APOBEC3C: variants seen among roughly 807,000 people sequenced by gnomAD.
APOBEC3C encodes the protein DNA dC->dU-editing enzyme APOBEC-3C.
APOBEC3C carries 14 observed loss-of-function variants against 20.6 expected under a neutral mutation model. The observed-to-expected ratio is 0.68, with a 90% CI of 0.45 to 1.06. The LOEUF (loss-of-function observed/expected upper bound fraction) is 1.06. APOBEC3C is among the 50% of genes least tolerant of loss of function. The pLI, the probability that APOBEC3C is intolerant of heterozygous loss-of-function variation, is 0.00. For missense variants in APOBEC3C, 244 were observed against 241.9 expected, an observed-to-expected ratio of 1.01 and a Z score of -0.06; for synonymous variants, 98 against 88.8, an observed-to-expected ratio of 1.10 and a Z score of -0.58.
At position 39,015,581 on chromosome 22, in the gene APOBEC3C, T is replaced by TC; in HGVS notation, c.18-13dup. 1 of 1,613,250 alleles carries TC rather than the reference T, an allele frequency of 6.2e-7. No homozygotes were observed. Among genetic ancestry groups the TC allele is most frequent in the Non-Finnish European group, 8.5e-7 (1 of 1,179,422 alleles). Reference sequence around the variant, plus strand: ...GGGGGTCTCTGCATTGGGGTTTCTCTCTTGTGCCTTCAGAAACCCGATGAA... The same window carrying TC: ...GGGGGTCTCTGCATTGGGGTTTCTCTCCTTGTGCCTTCAGAAACCCGATGAA... On this transcript the variant is annotated splice_polypyrimidine_tract_variant and intron_variant, in intron 1 of 3. Transcript: ENST00000361441.
At chr22:39,016,372 TC>T (rs1924784666) in intron 2 of APOBEC3C, among the ~76,000 whole-genome samples, 1 of 100,774 alleles carries the variant, frequency 9.9e-6, no homozygotes, top group African/African-American at 3.9e-5. Context: ...GCTAATTTTT[TC>T]TTTTTTTCTT....
At chr22:39,015,840 G>T in intron 2 of APOBEC3C, 89 bp downstream of exon 2, 5 of 1,391,154 alleles carry the variant, frequency 3.6e-6, no homozygotes, top group Middle Eastern at 2.6e-4. Context: ...GCCCGGCGTG[G>T]GCTCTCCTGT....
At position 39,018,202 on chromosome 22, in the gene APOBEC3C, G is replaced by C. The variant is rs6001383; in HGVS notation, c.455-67G>C. The C allele has an allele frequency of 2.8e-3, 4,482 of 1,577,798 alleles. 106 individuals carry two copies. In the African/African-American group the frequency reaches 0.054, roughly 19 times the overall value. On this transcript the variant is annotated intron_variant, in intron 3 of 3. Coordinates refer to ENST00000361441, the MANE Select transcript of APOBEC3C (RefSeq NM_014508.3). ...GGCAGCCTGGATACCTGGGCTGGGAGGGGAGGGCCCAGGGCCAGGAGAGAG... is the reference window on the plus strand; with the variant it reads ...GGCAGCCTGGATACCTGGGCTGGGACGGGAGGGCCCAGGGCCAGGAGAGAG...
Position 39,018,524 on chromosome 22 carries a change from G to A in APOBEC3C, c.*137G>A, listed in dbSNP as rs961577532. ...CCTGGCCTCAGGGCCATTCCACAGT[G>A]CTCCCCTGCCTCACCGCTTCCTCCT... On this transcript the variant is annotated 3_prime_UTR_variant, in exon 4 of 4. Transcript: ENST00000361441. The A allele has an allele frequency of 1.9e-6, 2 of 1,027,594 alleles. No individual in the cohort carries two copies. The highest frequency in any genetic ancestry group is 2.9e-6 in the Non-Finnish European group (2 of 700,834). The allele number at this position is 1,027,594 out of a possible 1,614,324, so 63.7% of individuals were successfully genotyped here. A position where few individuals can be genotyped will look rare whatever the true frequency, so the allele number is the denominator to read the frequency against.
At position 39,014,443 on chromosome 22, in the gene APOBEC3C, G is replaced by A. The variant is rs984415791; in HGVS notation, c.17+64G>A. ...ACTTCCTGCCAGGCGGTCCTGCTGG[G>A]CCTCAGCCCTGGCCTCCCCCTGCCC... On this transcript the variant is annotated intron_variant, in intron 1 of 3. Transcript: ENST00000361441. 73 of 1,610,226 alleles carry A rather than the reference G, an allele frequency of 4.5e-5. 2 individuals are homozygous for A. Among genetic ancestry groups the A allele is most frequent in the Middle Eastern group, 3.9e-4 (2 of 5,122 alleles).
chr22:39,014,418 A>G, intron 1 of APOBEC3C, 39 bp downstream of exon 1: 4 of 1,613,518 alleles, frequency 2.5e-6, no homozygotes, highest in Non-Finnish European at 3.4e-6. Flanking sequence ...CCCTCCTGCC[A>G]CTTCCTGCCA....
rs1473451795 is a variant in APOBEC3C at position 39,016,389 on chromosome 22, T to C, written c.174+638T>C. On this transcript the variant is annotated intron_variant, in intron 2 of 3. Coordinates refer to ENST00000361441, the MANE Select transcript of APOBEC3C (RefSeq NM_014508.3). ...TAATTTTTTCTTTTTTTCTTTTTTT[T>C]TTTTTTTTTAGTAGAGACGGGGTTT... Among the ~76,000 whole-genome samples the C allele has an allele frequency of 2.0e-5, 3 of 147,406 alleles. No homozygotes were observed. The East Asian group carries it at 5.9e-4, about 29-fold the overall frequency.
intron 1 of APOBEC3C, among the ~76,000 whole-genome samples, chr22:39,014,955 G>A (rs1395582601): frequency 6.6e-6 from 1 of 151,890 alleles, no homozygotes; most frequent in Non-Finnish European, 1.5e-5. Flanking sequence ...CTTTCAGAAT[G>A]ACACCTGCAA....
At chr22:39,015,787 G>C (rs1206337158) in intron 2 of APOBEC3C, 36 bp downstream of exon 2, 1 of 1,590,816 alleles carries the variant, frequency 6.3e-7, no homozygotes, top group Non-Finnish European at 8.6e-7. Flanking sequence ...CTAAATAGGA[G>C]CTAAGCAGCT....
Position 39,015,603 on chromosome 22 carries a change from T to C in APOBEC3C, c.26T>C (p.Met9Thr). The C allele has an allele frequency of 6.2e-7, 1 of 1,613,974 alleles. No homozygotes were observed. The highest frequency in any genetic ancestry group is 8.5e-7 in the Non-Finnish European group (1 of 1,179,916). ...CTCTCTTGTGCCTTCAGAAACCCGA[T>C]GAAGGCAATGTATCCAGGCACATTC... MNPQIRNP[M>T]KAMYPGTFYF... The change falls in exon 2 of 4, where the codon ATG (methionine) becomes ACG (threonine). Residue 9 changes from methionine (M) to threonine (T), a missense_variant. Coordinates refer to ENST00000361441, the MANE Select transcript of APOBEC3C (RefSeq NM_014508.3).
chr22:39,018,621 G>A lies in APOBEC3C; in HGVS notation c.*234G>A, dbSNP rs549617873. 4.1e-5 allele frequency: 17 copies of A among 413,570 alleles called. No individual in the cohort carries two copies. The highest frequency in any genetic ancestry group is 2.8e-4 in the African/African-American group (14 of 49,388). 25.6% of individuals were successfully genotyped at this position (413,570 alleles called of 1,614,324 possible). On this transcript the variant is annotated 3_prime_UTR_variant, in exon 4 of 4. Coordinates refer to ENST00000361441, the MANE Select transcript of APOBEC3C (RefSeq NM_014508.3). ...CTATCCATCCACCCCCACAGACCCC[G>A]TTCCTCCAGCCTGCGTGCCCCTAAC...
chr22:39,016,207 T>TTATTTATTTATTTATTTATTTATTTATC (rs1924777304), intron 2 of APOBEC3C, among the ~76,000 whole-genome samples: 1 of 147,444 alleles, frequency 6.8e-6, no homozygotes. Context: ...ATTTATTTAT[T>TTATTTATTTATTTATTTATTTATTTATC]TATTTATTTT....
chr22:39,017,891 T>C lies in APOBEC3C; in HGVS notation c.300T>C (p.Cys100=). The C allele has an allele frequency of 6.2e-7, 1 of 1,614,166 alleles. No individual in the cohort carries two copies. The highest frequency in any genetic ancestry group is 2.2e-5 in the East Asian group (1 of 44,884). Residue 100 remains cysteine, a synonymous_variant, in exon 3 of 4, where the codon TGT becomes TGC. Coordinates refer to ENST00000361441, the MANE Select transcript of APOBEC3C (RefSeq NM_014508.3). ...CATCTTGGAGCCCTTGCCCAGACTG[T>C]GCAGGGGAGGTGGCCGAGTTCCTGG... ...WYTSWSPCPD[C]AGEVAEFLAR...
chr22:39,017,916 G>T lies in APOBEC3C; in HGVS notation c.325G>T (p.Ala109Ser). 1 of 1,614,136 alleles carries T rather than the reference G, an allele frequency of 6.2e-7. No homozygotes were observed. The highest frequency in any genetic ancestry group is 8.5e-7 in the Non-Finnish European group (1 of 1,180,024). Residue 109 changes from alanine (A) to serine (S), a missense_variant, in exon 3 of 4, where the codon GCC (alanine) becomes TCC (serine). By Grantham distance (99) the Ala-to-Ser change is moderately conservative (BLOSUM62 1). Transcript: ENST00000361441. Reference protein sequence around the residue: ...DCAGEVAEFLARHSNVNLTIF... With the variant: ...DCAGEVAEFLSRHSNVNLTIF... ...TGCAGGGGAGGTGGCCGAGTTCCTG[G>T]CCAGGCACAGCAACGTGAATCTCAC...
At position 39,017,897 on chromosome 22, in the gene APOBEC3C, G is replaced by C; in HGVS notation, c.306G>C (p.Gly102=). ...TSWSPCPDCA[G]EVAEFLARHS... Reference sequence around the variant, plus strand: ...GGAGCCCTTGCCCAGACTGTGCAGGGGAGGTGGCCGAGTTCCTGGCCAGGC... The same window carrying C: ...GGAGCCCTTGCCCAGACTGTGCAGGCGAGGTGGCCGAGTTCCTGGCCAGGC... The change falls in exon 3 of 4, where the codon GGG becomes GGC. Residue 102 remains glycine, a synonymous_variant. Transcript: ENST00000361441. The C allele has an allele frequency of 6.2e-7, 1 of 1,614,184 alleles. No homozygotes were observed. Among genetic ancestry groups the C allele is most frequent in the Non-Finnish European group, 8.5e-7 (1 of 1,180,018 alleles).
chr22:39,015,486 G>A, intron 1 of APOBEC3C, 109 bp from the exon 2 acceptor site: 1 of 1,278,686 alleles, frequency 7.8e-7, no homozygotes, highest in Non-Finnish European at 1.1e-6. Flanking sequence ...GGAGGGATGG[G>A]GGAGGCCCAG....
chr22:39,018,609 C>G lies in APOBEC3C; in HGVS notation c.*222C>G, dbSNP rs985157340. 8.7e-5 allele frequency: 40 copies of G among 459,772 alleles called. No individual in the cohort carries two copies. The highest frequency in any genetic ancestry group is 2.3e-5 in the Non-Finnish European group (6 of 261,572). The allele number at this position is 459,772 out of a possible 1,614,324, so 28.5% of individuals were successfully genotyped here. ...CTGCCTCCATGGCTATCCATCCACCCCCACAGACCCCGTTCCTCCAGCCTG... is the reference window on the plus strand; with the variant it reads ...CTGCCTCCATGGCTATCCATCCACCGCCACAGACCCCGTTCCTCCAGCCTG... On this transcript the variant is annotated 3_prime_UTR_variant, in exon 4 of 4. Transcript: ENST00000361441.
intron 2 of APOBEC3C, among the ~76,000 whole-genome samples, chr22:39,016,858 T>C (rs1240672744): frequency 6.6e-6 from 1 of 152,128 alleles, no homozygotes; most frequent in Non-Finnish European, 1.5e-5. Context: ...TGAGGATGCC[T>C]GGTGAATGGA....
rs955485208 is a variant in APOBEC3C, at chr22:39,019,865, G to T, written c.*1478G>T. On this transcript the variant is annotated 3_prime_UTR_variant, in exon 4 of 4. Transcript: ENST00000361441. ...CTCTTGTCCAGGCTGGAATGCAATG[G>T]CACAATCTGGACTCACTGCAACCTC... 12 of 135,204 alleles carry T rather than the reference G, an allele frequency of 8.9e-5. No homozygotes were observed. The highest frequency in any genetic ancestry group is 3.1e-4 in the African/African-American group (11 of 35,928). 8.4% of individuals were successfully genotyped at this position (135,204 alleles called of 1,614,324 possible). A position where few individuals can be genotyped will look rare whatever the true frequency, so the allele number is the denominator to read the frequency against.
Sources: gnomAD v4.1 joint callset for allele counts (sites outside exome capture counted in the v4.1 genomes callset) on GRCh38, gnomAD v4.1.1 for gene constraint, MANE v1.5 for transcripts, NCBI Gene and HGNC (gene_info 2026-07-23, HGNC 2026-07-21) for gene names.